The following CDH13 variants were observed in gnomAD, a reference collection of about 807,000 sequenced individuals.
CDH13 encodes the protein cadherin 13.
Under a neutral mutation model 63.8 loss-of-function variants are expected in CDH13, and 24 were observed. The observed-to-expected ratio is 0.38, with a 90% CI of 0.27 to 0.53. The LOEUF (loss-of-function observed/expected upper bound fraction) is 0.53. CDH13 is among the 20% of genes least tolerant of loss of function. The pLI is 0.85. For synonymous variants in CDH13, 503 were observed against 355.3 expected, an observed-to-expected ratio of 1.42 and a Z score of -4.67; for missense variants, 1,049 against 903.1, an observed-to-expected ratio of 1.16 and a Z score of -2.07.
intron 3 of CDH13, among the ~76,000 whole-genome samples, chr16:83,125,137 G>T (rs913011689): frequency 1.3e-5 from 2 of 152,338 alleles, no homozygotes; most frequent in Admixed American, 6.5e-5. Context: ...AATCAAGACT[G>T]TCATTGTGAA....
chr16:83,086,696 A>C (rs2151574165), intron 3 of CDH13, among the ~76,000 whole-genome samples: 1 of 152,384 alleles, frequency 6.6e-6, no homozygotes, highest in East Asian at 1.9e-4. Context: ...TGCTCCAAGA[A>C]GTAAGTGCAC....
rs1428455450 is a variant in CDH13 at position 83,569,556 on chromosome 16, A to G, written c.961-32898A>G. Among the ~76,000 whole-genome samples the G allele has an allele frequency of 3.9e-5, 6 of 152,318 alleles. No homozygotes were observed. The East Asian group carries it at 1.2e-3, about 29-fold the overall frequency. On this transcript the variant is annotated intron_variant, in intron 7 of 13. Coordinates refer to ENST00000567109, the MANE Select transcript of CDH13 (RefSeq NM_001257.5). ...CATTTTTCTATTTTTTTCTAAAAGT[A>G]TCTTACACATTTTCCATCAGGCTCA...
chr16:83,243,456 ATGAT>A (rs1904677060), intron 5 of CDH13, among the ~76,000 whole-genome samples: 1 of 152,118 alleles, frequency 6.6e-6, no homozygotes, highest in Non-Finnish European at 1.5e-5. Flanking sequence ...ACCTACCCCC[ATGAT>A]TCACTTACCT....
intron 6 of CDH13, among the ~76,000 whole-genome samples, chr16:83,439,249 C>T (rs12929721): frequency 0.19 from 28,560 of 152,102 alleles, 3,027 homozygotes; most frequent in Admixed American, 0.31. Flanking sequence ...AGCAATTACT[C>T]GTGAAAAAGA....
intron 1 of CDH13, among the ~76,000 whole-genome samples, chr16:82,790,848 C>T (rs1163424302): frequency 6.6e-6 from 1 of 152,142 alleles, no homozygotes; most frequent in Non-Finnish European, 1.5e-5. Flanking sequence ...GGGAAAACTG[C>T]CCCCATGATT....
rs151245756 is a variant in CDH13 at position 82,914,480 on chromosome 16, T to A, written c.157+56007T>A. On this transcript the variant is annotated intron_variant, in intron 2 of 13. Transcript: ENST00000567109. ...GTTTTGTTTTTTCACCTTGACTGAC[T>A]GCAAATGTCTCAGTCATGATTCCTG... is the stretch of plus-strand genomic sequence containing the variant. 9.5e-4 allele frequency among the ~76,000 whole-genome samples: 145 copies of A among 152,342 alleles called. 5 individuals are homozygous for A. The Middle Eastern group carries it at 0.031, about 32-fold the overall frequency.
chr16:82,949,518 G>T (rs1371974923), intron 2 of CDH13, among the ~76,000 whole-genome samples: 3 of 152,180 alleles, frequency 2.0e-5, no homozygotes, highest in Non-Finnish European at 4.4e-5. Context: ...ACCCCTAAAT[G>T]GGGATCTCCT....
chr16:83,680,721 A>G (rs1405230797), intron 10 of CDH13, among the ~76,000 whole-genome samples: 1 of 152,130 alleles, frequency 6.6e-6, no homozygotes. Flanking sequence ...TTCTCTAGCC[A>G]GTGTAATCAT....
chr16:83,677,267 T>A (rs1295038633), intron 9 of CDH13, among the ~76,000 whole-genome samples: 1 of 152,230 alleles, frequency 6.6e-6, no homozygotes, highest in Non-Finnish European at 1.5e-5. Context: ...GGAGTTTCTT[T>A]GACATCCTCT....
intron 5 of CDH13, among the ~76,000 whole-genome samples, chr16:83,265,210 C>G (rs1040541566): frequency 6.6e-6 from 1 of 152,174 alleles, no homozygotes; most frequent in Non-Finnish European, 1.5e-5. Flanking sequence ...AAGCCTGCTT[C>G]TCAGCCATCA....
intron 5 of CDH13, among the ~76,000 whole-genome samples, chr16:83,260,127 C>CAA (rs1906798264): frequency 6.6e-6 from 1 of 150,862 alleles, no homozygotes; most frequent in Non-Finnish European, 1.5e-5. Context: ...CACACACACA[C>CAA]ACACACACAC....
At chr16:83,533,006 A>G (rs1165261661) in intron 7 of CDH13, among the ~76,000 whole-genome samples, 5 of 152,206 alleles carry the variant, frequency 3.3e-5, no homozygotes, top group Non-Finnish European at 5.9e-5. Context: ...GGAGAAGCTA[A>G]CTACAATTGT....
chr16:83,341,305 C>A (rs142761030), intron 5 of CDH13, among the ~76,000 whole-genome samples: 211 of 152,268 alleles, frequency 1.4e-3, no homozygotes, highest in Admixed American at 2.4e-3. Flanking sequence ...TTCTCTGATA[C>A]TGGAGGATGC....
In CDH13 at chr16:82,818,412, C is replaced by A. The variant is rs187666172; in HGVS notation, c.46-39950C>A. 6.1e-3 allele frequency among the ~76,000 whole-genome samples: 922 copies of A among 152,200 alleles called. 35 individuals are homozygous for A. Among genetic ancestry groups the A allele is most frequent in the Admixed American group, 0.056 (858 of 15,274 alleles). ...CAAAGCAACAACAAGAAAGAAGGAA[C>A]CCTAAGTATGTTCATCGAGCTACTC... On this transcript the variant is annotated intron_variant, in intron 1 of 13. Transcript: ENST00000567109.
chr16:82,895,489 G>C (rs1381133469), intron 2 of CDH13, among the ~76,000 whole-genome samples: 1 of 152,124 alleles, frequency 6.6e-6, no homozygotes, highest in African/African-American at 2.4e-5. Context: ...CAAGTGGTGT[G>C]TTTGTTACAA....
chr16:83,088,874 A>G (rs1002989511), intron 3 of CDH13, among the ~76,000 whole-genome samples: 1 of 152,254 alleles, frequency 6.6e-6, no homozygotes, highest in Admixed American at 6.5e-5. Context: ...CAACAACCAC[A>G]GGCTAGATAT....
intron 11 of CDH13, among the ~76,000 whole-genome samples, chr16:83,778,598 C>T (rs770157802): frequency 6.6e-6 from 1 of 151,710 alleles, no homozygotes; most frequent in African/African-American, 2.4e-5. Flanking sequence ...ATAGTATTTC[C>T]TAAAATGAAA....
At chr16:82,922,990 A>G (rs549951228) in intron 2 of CDH13, among the ~76,000 whole-genome samples, 1 of 152,292 alleles carries the variant, frequency 6.6e-6, no homozygotes, top group South Asian at 2.1e-4. Flanking sequence ...TTTATACTGT[A>G]GTCTCTTAAG....
intron 10 of CDH13, among the ~76,000 whole-genome samples, chr16:83,734,483 C>CA (rs1157854742): frequency 6.8e-6 from 1 of 146,836 alleles, no homozygotes; most frequent in Non-Finnish European, 1.5e-5. Flanking sequence ...ATCGCAAGGA[C>CA]AAAAAACCAA....
Sources: gnomAD v4.1 joint callset for allele counts (sites outside exome capture counted in the v4.1 genomes callset) on GRCh38, gnomAD v4.1.1 for gene constraint, MANE v1.5 for transcripts, NCBI Gene and HGNC (gene_info 2026-07-23, HGNC 2026-07-21) for gene names.